Variants in WNT9A observed in about 807,000 individuals in gnomAD.
WNT9A encodes the protein Wnt family member 9A, also known as protein Wnt-9a.
A neutral mutation model predicts 31.4 loss-of-function variants in WNT9A; 8 were observed. That is an observed-to-expected ratio of 0.26 (90% CI 0.15 to 0.46). WNT9A has a LOEUF of 0.46. Among genes scored for constraint, WNT9A ranks in the 20% least tolerant of loss-of-function variants. The pLI is 0.99. For missense variants in WNT9A, 457 were observed against 522.9 expected, an observed-to-expected ratio of 0.87 and a Z score of 1.23; for synonymous variants, 236 against 220.1, an observed-to-expected ratio of 1.07 and a Z score of -0.64.
chr1:227,925,277 C>A lies in WNT9A; in HGVS notation c.338G>T (p.Ser113Ile). 1 of 1,565,126 alleles carries A rather than the reference C, an allele frequency of 6.4e-7. No individual in the cohort carries two copies. The highest frequency in any genetic ancestry group is 8.7e-7 in the Non-Finnish European group (1 of 1,155,358). ...NCTLEGRYRASLLKRGFKETA... is the reference protein window; with the variant it reads ...NCTLEGRYRAILLKRGFKETA... The stretch of plus-strand genomic sequence containing the variant: ...GCCACACTCACCTCGCTTGAGCAGG[C>A]TGGCCCGGTAGCGGCCCTCCAGCGT... Residue 113 changes from serine to isoleucine, a missense_variant, in exon 2 of 4, where the codon AGC becomes ATC. Physicochemically the swap from Ser to Ile is moderately radical, Grantham distance 142. Transcript: ENST00000272164. The surrounding 1 kb of genome is among the most constrained non-coding windows in gnomAD (Gnocchi z 6.0).
rs1035107341 is a variant in WNT9A, at chr1:227,926,418, C to T, written c.96-899G>A. ...GCTGGGCTCACTTCACAAGGCTTCC[C>T]TCACACCCCGCCCTGGCCCAGCCCA... On this transcript the variant is annotated intron_variant, in intron 1 of 3. Coordinates refer to ENST00000272164, the MANE Select transcript of WNT9A (RefSeq NM_003395.4). The surrounding 1 kb of genome is among the most constrained non-coding windows in gnomAD (Gnocchi z 5.0). Among the ~76,000 whole-genome samples, 1 of 152,056 alleles carries T rather than the reference C, an allele frequency of 6.6e-6. No homozygotes were observed. The highest frequency in any genetic ancestry group is 2.4e-5 in the African/African-American group (1 of 41,408).
At position 227,925,332 on chromosome 1, in the gene WNT9A, A is replaced by G; in HGVS notation, c.283T>C (p.Phe95Leu). Reference protein sequence around the residue: ...AVSMSALECQFQFRFERWNCT... With the variant: ...AVSMSALECQLQFRFERWNCT... ...TTCCAGCGCTCAAAGCGGAACTGGA[A>G]CTGGCACTCGAGCGCACTCATGCTC... The change falls in exon 2 of 4, where the codon TTC becomes CTC. Residue 95 changes from phenylalanine to leucine, a missense_variant. Phe to Leu is a conservative substitution (Grantham distance 22). Coordinates refer to ENST00000272164, the MANE Select transcript of WNT9A (RefSeq NM_003395.4). The surrounding 1 kb of genome is among the most constrained non-coding windows in gnomAD (Gnocchi z 6.0). 1 of 1,610,002 alleles carries G rather than the reference A, an allele frequency of 6.2e-7. No homozygotes were observed. The highest frequency in any genetic ancestry group is 8.5e-7 in the Non-Finnish European group (1 of 1,179,006).
rs1314599762 is a variant in WNT9A, at chr1:227,930,035, G to A, written c.96-4516C>T. Among the ~76,000 whole-genome samples the A allele has an allele frequency of 2.0e-5, 3 of 152,180 alleles. No individual in the cohort carries two copies. The South Asian group carries it at 6.2e-4, about 32-fold the overall frequency. The stretch of plus-strand genomic sequence containing the variant: ...CATAGCAGCCTGCGTAAACTAAGAT[G>A]CCTGACAATTACAGATATAATCACA... On this transcript the variant is annotated intron_variant, in intron 1 of 3. Transcript: ENST00000272164.
chr1:227,939,642 G>A (rs1049845616), intron 1 of WNT9A, among the ~76,000 whole-genome samples: 13 of 152,196 alleles, frequency 8.5e-5, no homozygotes, highest in East Asian at 1.9e-4. Flanking sequence ...CACCAAGGCC[G>A]GACTCCGACC....
At position 227,921,938 on chromosome 1, in the gene WNT9A, C is replaced by T. The variant is rs1034944815; in HGVS notation, c.678G>A (p.Val226=). ...KCHGVSGSCT[V]RTCWRQLAPF... ...GCGCCAACTGCCGCCAGCAGGTCCG[C>T]ACCGTGCATGAGCCTGACACGCCGT... The change falls in exon 4 of 4, where the codon GTG becomes GTA. Residue 226 remains valine (V), a synonymous_variant. Coordinates refer to ENST00000272164, the MANE Select transcript of WNT9A (RefSeq NM_003395.4). 2 of 1,613,148 alleles carry T rather than the reference C, an allele frequency of 1.2e-6. No homozygotes were observed. Among genetic ancestry groups the T allele is most frequent in the Admixed American group, 1.7e-5 (1 of 60,034 alleles).
chr1:227,923,013 T>C (rs1666350529), intron 3 of WNT9A, among the ~76,000 whole-genome samples: 1 of 152,140 alleles, frequency 6.6e-6, no homozygotes, highest in Non-Finnish European at 1.5e-5. Context: ...TTCCGACTTC[T>C]CATTAATCTC....
At chr1:227,941,956 C>T (rs1236345943) in intron 1 of WNT9A, among the ~76,000 whole-genome samples, 2 of 152,116 alleles carry the variant, frequency 1.3e-5, no homozygotes, top group Non-Finnish European at 2.9e-5. Flanking sequence ...ACAGGCATCA[C>T]CTCCTCCCTG....
chr1:227,933,805 G>A (rs1474248350), intron 1 of WNT9A, among the ~76,000 whole-genome samples: 1 of 152,138 alleles, frequency 6.6e-6, no homozygotes, highest in African/African-American at 2.4e-5. Context: ...TGCAAGATTC[G>A]CTGTGAATTC....
chr1:227,934,221 G>A (rs1481373574), intron 1 of WNT9A, among the ~76,000 whole-genome samples: 2 of 152,190 alleles, frequency 1.3e-5, no homozygotes, highest in Non-Finnish European at 2.9e-5. Flanking sequence ...TGGAGCTGCT[G>A]GGTCACAGGG....
chr1:227,944,971 G>GT, intron 1 of WNT9A, among the ~76,000 whole-genome samples: 1 of 152,322 alleles, frequency 6.6e-6, no homozygotes, highest in South Asian at 2.1e-4. Context: ...GCAGCCAGGG[G>GT]TGGGGGTCCA....
At chr1:227,937,496 G>GATA (rs1558263234) in intron 1 of WNT9A, among the ~76,000 whole-genome samples, 1 of 152,272 alleles carries the variant, frequency 6.6e-6, no homozygotes, top group East Asian at 1.9e-4. Context: ...AAGTAACTGA[G>GATA]ATAAGGATCT....
chr1:227,947,787 A>C lies in WNT9A; in HGVS notation c.95+6T>G. On this transcript the variant is annotated splice_donor_region_variant and intron_variant, in intron 1 of 3. Coordinates refer to ENST00000272164, the MANE Select transcript of WNT9A (RefSeq NM_003395.4). ...CCAGTGCGCGCCGGCCGCCGAAGGC[A>C]CCTACCCGAAGTAGGCGGCCGAAGG... is the stretch of plus-strand genomic sequence containing the variant. The C allele has an allele frequency of 9.4e-7, 1 of 1,068,962 alleles. No individual in the cohort carries two copies. Among genetic ancestry groups the C allele is most frequent in the Non-Finnish European group, 1.1e-6 (1 of 885,622 alleles). 66.2% of individuals were successfully genotyped at this position (1,068,962 alleles called of 1,614,324 possible). A position where few individuals can be genotyped will look rare whatever the true frequency, so the allele number is the denominator to read the frequency against.
chr1:227,921,806 T>C lies in WNT9A; in HGVS notation c.810A>G (p.Pro270=). Residue 270 remains proline, a synonymous_variant, in exon 4 of 4, where the codon CCA becomes CCG. Transcript: ENST00000272164. The part of the protein sequence containing the change: ...AAGEAGAISP[P]RGRASGAGGS... ...CACCTGCCCCCGAGGCACGGCCCCG[T>C]GGTGGGGAGATGGCACCTGCCTCGC... 1.2e-6 allele frequency: 2 copies of C among 1,612,770 alleles called. No individual in the cohort carries two copies. The highest frequency in any genetic ancestry group is 1.7e-6 in the Non-Finnish European group (2 of 1,179,834).
chr1:227,927,215 G>C (rs960399294), intron 1 of WNT9A, among the ~76,000 whole-genome samples: 1 of 152,136 alleles, frequency 6.6e-6, no homozygotes, highest in African/African-American at 2.4e-5. Flanking sequence ...GCTGCAGAGG[G>C]GGTCTTCACT....
chr1:227,945,442 GGC>G (rs1666779485), intron 1 of WNT9A, among the ~76,000 whole-genome samples: 1 of 152,164 alleles, frequency 6.6e-6, no homozygotes, highest in South Asian at 2.1e-4. Context: ...GAGGGCAGCG[GGC>G]GCCAGCCAGG....
chr1:227,935,967 T>C (rs1260425149), intron 1 of WNT9A, among the ~76,000 whole-genome samples: 4 of 152,310 alleles, frequency 2.6e-5, no homozygotes, highest in East Asian at 3.9e-4. Context: ...TTACCTCCAT[T>C]TGGGGGCCCA....
chr1:227,937,686 C>T (rs1232045554), intron 1 of WNT9A, among the ~76,000 whole-genome samples: 1 of 152,254 alleles, frequency 6.6e-6, no homozygotes, highest in Admixed American at 6.5e-5. Flanking sequence ...TGGCAGCTGG[C>T]AGAGGCAGGA....
rs1666728772 is a variant in WNT9A, at chr1:227,942,776, G to T, written c.95+5017C>A. 6.6e-6 allele frequency among the ~76,000 whole-genome samples: 1 copy of T among 152,178 alleles called. No homozygotes were observed. Among genetic ancestry groups the T allele is most frequent in the Admixed American group, 6.5e-5 (1 of 15,286 alleles). ...GGAGGGGGTGGGTCTCCAGGACAGT[G>T]CCTGCCCAAACCTAAGCCTGAGCTC... On this transcript the variant is annotated intron_variant, in intron 1 of 3. Coordinates refer to ENST00000272164, the MANE Select transcript of WNT9A (RefSeq NM_003395.4). This position sits in a 1 kb window ranked among gnomAD's most constrained non-coding sequence, Gnocchi z 5.7.
At chr1:227,936,178 GTTTTTC>G (rs952450619) in intron 1 of WNT9A, among the ~76,000 whole-genome samples, 15 of 151,876 alleles carry the variant, frequency 9.9e-5, no homozygotes, top group South Asian at 4.2e-4. Flanking sequence ...ATCTTGTGCA[GTTTTTC>G]TTTTTCTTTT....
Sources: allele counts gnomAD v4.1 joint callset (sites outside exome capture counted in the v4.1 genomes callset), GRCh38; gene constraint gnomAD v4.1.1; non-coding constraint Gnocchi (gnomAD v3.1); transcripts MANE v1.5; gene names NCBI Gene and HGNC (gene_info 2026-07-23, HGNC 2026-07-21).